Variants in AGBL1 observed in about 807,000 individuals in gnomAD.
AGBL1 encodes AGBL carboxypeptidase 1, also known as cytosolic carboxypeptidase 4.
In AGBL1, 130 loss-of-function variants were observed where a neutral mutation model predicts 118.9. The ratio of observed to expected loss-of-function variants is 1.09; its 90% confidence interval spans 0.95 to 1.26. AGBL1 has a LOEUF of 1.26. Among genes scored for constraint, AGBL1 ranks in the 50% most tolerant of loss-of-function variants. AGBL1 has a pLI of 0.00. For synonymous variants in AGBL1, 555 were observed against 478.9 expected, an observed-to-expected ratio of 1.16 and a Z score of -2.08; for missense variants, 1,584 against 1,298.1, an observed-to-expected ratio of 1.22 and a Z score of -3.38.
rs533896989 is a variant in AGBL1 at position 86,997,618 on chromosome 15, G to C, written c.3323+9530G>C. ...TGATAGACTGTATCCTCTAGGCCTA[G>C]AGTCTATGATTTTATGATTGATTGA... On this transcript the variant is annotated intron_variant, in intron 24 of 24. Transcript: ENST00000441037. Among the ~76,000 whole-genome samples, 4 of 152,178 alleles carry C rather than the reference G, an allele frequency of 2.6e-5. No individual in the cohort carries two copies. In the South Asian group the frequency reaches 8.3e-4, roughly 32 times the overall value.
intron 18 of AGBL1, among the ~76,000 whole-genome samples, chr15:86,478,236 A>G (rs2082592188): frequency 6.6e-6 from 1 of 152,200 alleles, no homozygotes; most frequent in African/African-American, 2.4e-5. Context: ...GACCAGGGCA[A>G]TCAGGCAGGA....
intron 24 of AGBL1, among the ~76,000 whole-genome samples, chr15:86,997,989 G>A (rs1224758034): frequency 6.6e-6 from 1 of 151,588 alleles, no homozygotes; most frequent in Non-Finnish European, 1.5e-5. Flanking sequence ...TACATGTTCT[G>A]TGTAAATGAA....
At chr15:86,772,481 GT>G (rs2078195639) in intron 22 of AGBL1, among the ~76,000 whole-genome samples, 1 of 152,048 alleles carries the variant, frequency 6.6e-6, no homozygotes, top group African/African-American at 2.4e-5. Flanking sequence ...TTGAGTCTAG[GT>G]TTCAGAGAAG....
intron 24 of AGBL1, among the ~76,000 whole-genome samples, chr15:87,024,099 C>G (rs577184890): frequency 6.6e-6 from 1 of 151,900 alleles, no homozygotes; most frequent in East Asian, 1.9e-4. Context: ...CAAACCAAAC[C>G]CAAACCCAGC....
At chr15:86,193,496 G>T (rs189243858) in intron 5 of AGBL1, among the ~76,000 whole-genome samples, 4 of 152,030 alleles carry the variant, frequency 2.6e-5, no homozygotes, top group African/African-American at 7.2e-5. Flanking sequence ...TTTTGACCCC[G>T]CAGCCCACTT....
chr15:86,495,739 A>T (rs2142150995), intron 18 of AGBL1, among the ~76,000 whole-genome samples: 1 of 152,144 alleles, frequency 6.6e-6, no homozygotes, highest in Middle Eastern at 3.4e-3. Context: ...TTTAATAAAT[A>T]TTCAATATAT....
intron 17 of AGBL1, among the ~76,000 whole-genome samples, chr15:86,392,480 A>C (rs111550391): frequency 5.3e-5 from 8 of 152,266 alleles, no homozygotes; most frequent in African/African-American, 1.9e-4. Context: ...CCAGACTGTT[A>C]TTAGTTTCCT....
At chr15:86,275,039 C>T (rs1020112373) in intron 15 of AGBL1, among the ~76,000 whole-genome samples, 10 of 152,082 alleles carry the variant, frequency 6.6e-5, no homozygotes, top group African/African-American at 1.7e-4. Flanking sequence ...CCCTGCCTCT[C>T]GTAAAAGTAA....
At chr15:86,776,836 T>C (rs1326011802) in intron 22 of AGBL1, among the ~76,000 whole-genome samples, 1 of 151,558 alleles carries the variant, frequency 6.6e-6, no homozygotes, top group Non-Finnish European at 1.5e-5. Flanking sequence ...AACAGGTTTT[T>C]TTAAAAAATC....
At chr15:86,154,124 G>A (rs180901417) in intron 3 of AGBL1, among the ~76,000 whole-genome samples, 19 of 152,036 alleles carry the variant, frequency 1.2e-4, no homozygotes, top group South Asian at 2.1e-4. Context: ...TTCTAGAATC[G>A]TCTTAAAGGA....
At chr15:86,276,134 T>G (rs2079247229) in intron 15 of AGBL1, among the ~76,000 whole-genome samples, 1 of 152,220 alleles carries the variant, frequency 6.6e-6, no homozygotes, top group African/African-American at 2.4e-5. Flanking sequence ...GATCATTTTA[T>G]TAGCTCTCAT....
intron 22 of AGBL1, among the ~76,000 whole-genome samples, chr15:86,779,154 A>G (rs2078297865): frequency 6.6e-6 from 1 of 152,094 alleles, no homozygotes; most frequent in Non-Finnish European, 1.5e-5. Flanking sequence ...TTATTATCAC[A>G]CATCATTGAC....
chr15:86,526,544 GTATATATATATATA>G (rs1555422465), intron 19 of AGBL1, among the ~76,000 whole-genome samples: 12 of 119,440 alleles, frequency 1.0e-4, no homozygotes, highest in African/African-American at 3.6e-4. Flanking sequence ...TTGTGTCTGT[GTATATATATATATA>G]TATATATATA....
At chr15:87,020,879 C>A (rs1350055750) in intron 24 of AGBL1, among the ~76,000 whole-genome samples, 2 of 152,022 alleles carry the variant, frequency 1.3e-5, no homozygotes, top group African/African-American at 4.8e-5. Flanking sequence ...ACATTCCATG[C>A]TCATGGATAA....
intron 18 of AGBL1, among the ~76,000 whole-genome samples, chr15:86,412,830 T>C (rs1185218082): frequency 6.6e-6 from 1 of 152,164 alleles, no homozygotes; most frequent in African/African-American, 2.4e-5. Flanking sequence ...AAATGGCAAA[T>C]ATTGAATGAG....
chr15:86,589,825 T>C (rs2084307377), intron 21 of AGBL1, among the ~76,000 whole-genome samples: 1 of 152,206 alleles, frequency 6.6e-6, no homozygotes, highest in Admixed American at 6.5e-5. Flanking sequence ...TTTTTTGTAA[T>C]CATCTGAGAG....
intron 22 of AGBL1, among the ~76,000 whole-genome samples, chr15:86,695,407 AT>A (rs1327980065): frequency 6.6e-6 from 1 of 151,782 alleles, no homozygotes; most frequent in Non-Finnish European, 1.5e-5. Flanking sequence ...GCCCTGAATG[AT>A]CTTTTGTATT....
chr15:86,196,884 C>CAG, intron 5 of AGBL1, among the ~76,000 whole-genome samples: 1 of 96,540 alleles, frequency 1.0e-5, no homozygotes, highest in South Asian at 3.4e-4. Context: ...CGCGCGCACA[C>CAG]ACACACACAC....
intron 3 of AGBL1, among the ~76,000 whole-genome samples, chr15:86,151,542 A>G (rs181560751): frequency 3.9e-5 from 6 of 152,318 alleles, no homozygotes; most frequent in East Asian, 1.9e-4. Flanking sequence ...AATCAGAGCT[A>G]TTTATGACAA....
Sources: allele counts gnomAD v4.1 joint callset (sites outside exome capture counted in the v4.1 genomes callset), GRCh38; gene constraint gnomAD v4.1.1; transcripts MANE v1.5; gene names NCBI Gene and HGNC (gene_info 2026-07-23, HGNC 2026-07-21).